WSCD1: variants seen among roughly 807,000 people sequenced by gnomAD.
WSCD1 encodes WSC domain sialate O sulfotransferase 1.
WSCD1 carries 41 observed loss-of-function variants against 60.4 expected under a neutral mutation model. The ratio of observed to expected loss-of-function variants is 0.68; its 90% CI spans 0.53 to 0.88. WSCD1 has a LOEUF of 0.88. WSCD1 is among the 40% of genes least tolerant of loss of function. The probability of loss-of-function intolerance (pLI) is 0.00; values close to 1 mark genes in which losing one functional copy is unlikely to be tolerated. For missense variants in WSCD1, 784 were observed against 796.2 expected, an observed-to-expected ratio of 0.98 and a Z score of 0.18; for synonymous variants, 361 against 332.5, an observed-to-expected ratio of 1.09 and a Z score of -0.93.
Position 6,110,544 on chromosome 17 carries a change from T to C in WSCD1, c.1010-227T>C, listed in dbSNP as rs1192178556. Among the ~76,000 whole-genome samples the C allele has an allele frequency of 6.6e-6, 1 of 152,186 alleles. No homozygotes were observed. The highest frequency in any genetic ancestry group is 1.5e-5 in the Non-Finnish European group (1 of 68,028). Reference sequence around the variant, plus strand: ...TCCATAGGGTGTCTGATTCCCATCTTACTCCTGCACTGCAGTATTGCAGGC... The same window carrying C: ...TCCATAGGGTGTCTGATTCCCATCTCACTCCTGCACTGCAGTATTGCAGGC... On this transcript the variant is annotated intron_variant, in intron 6 of 8. Transcript: ENST00000317744. This position sits in a 1 kb window ranked among gnomAD's most constrained non-coding sequence, Gnocchi z 4.8.
At position 6,090,418 on chromosome 17, in the gene WSCD1, T is replaced by A; in HGVS notation, c.640T>A (p.Cys214Ser). 6.2e-7 allele frequency: 1 copy of A among 1,612,498 alleles called. No individual in the cohort carries two copies. The highest frequency in any genetic ancestry group is 8.5e-7 in the Non-Finnish European group (1 of 1,179,412). Reference sequence around the variant, plus strand: ...GGGGCTGGAAGAGTGTAACCATGAGTGCAAAGGCGAGAAGGGCTCTGTGTG... The same window carrying A: ...GGGGCTGGAAGAGTGTAACCATGAGAGCAAAGGCGAGAAGGGCTCTGTGTG... Reference protein sequence around the residue: ...SVGLEECNHECKGEKGSVCGA... With the variant: ...SVGLEECNHESKGEKGSVCGA... Residue 214 changes from cysteine (C) to serine (S), a missense_variant, in exon 4 of 9, where the codon TGC becomes AGC. Cys to Ser is a moderately radical substitution (Grantham distance 112). Transcript: ENST00000317744.
rs1374364667 is a variant in WSCD1 at position 6,070,444 on chromosome 17, G to T, written c.-497G>T. 6.9e-6 allele frequency: 1 copy of T among 145,788 alleles called. No homozygotes were observed. The highest frequency in any genetic ancestry group is 1.5e-5 in the Non-Finnish European group (1 of 65,670). The allele number at this position is 145,788 out of a possible 1,614,324, so 9.0% of individuals were successfully genotyped here. A position where few individuals can be genotyped will look rare whatever the true frequency, so the allele number is the denominator to read the frequency against. On this transcript the variant is annotated 5_prime_UTR_variant, in exon 1 of 9. Transcript: ENST00000317744. ...GGCTCCGCGCCCGCCCGCCCGCCCC[G>T]CCGTTCAGCCCGGACGCCAGCAGCC...
At position 6,110,877 on chromosome 17, in the gene WSCD1, G is replaced by A. The variant is rs751060251; in HGVS notation, c.1116G>A (p.Glu372=). The A allele has an allele frequency of 1.9e-6, 3 of 1,613,958 alleles. No individual in the cohort carries two copies. The highest frequency in any genetic ancestry group is 2.2e-5 in the East Asian group (1 of 44,872). The part of the protein sequence containing the change: ...AGNTWARHLI[E]HATGFYTGSY... ...ACACATGGGCACGGCACCTCATTGA[G>A]CATGCCACTGGCTTCTATACAGGGA... The change falls in exon 7 of 9, where the codon GAG becomes GAA. Residue 372 remains glutamate (E), a synonymous_variant. Transcript: ENST00000317744. The surrounding 1 kb of genome is among the most constrained non-coding windows in gnomAD (Gnocchi z 4.8).
At chr17:6,076,572 G>T (rs186527493) in intron 1 of WSCD1, among the ~76,000 whole-genome samples, 2 of 152,138 alleles carry the variant, frequency 1.3e-5, no homozygotes, top group African/African-American at 4.8e-5. Flanking sequence ...ACAGAGTAGC[G>T]GAGGTTTCAT....
chr17:6,121,025 A>AGGCT lies in WSCD1; in HGVS notation c.*374_*377dup. The AGGCT allele has an allele frequency of 3.8e-6, 1 of 260,610 alleles. No homozygotes were observed. The highest frequency in any genetic ancestry group is 7.4e-6 in the Non-Finnish European group (1 of 135,642). The allele number at this position is 260,610 out of a possible 1,614,324, so 16.1% of individuals were successfully genotyped here. ...CAGGTGCCAGGCCGTGTGCTCCTGG[A>AGGCT]GGCTGGCTGGCTGTCTCTCTCACAC... On this transcript the variant is annotated 3_prime_UTR_variant, in exon 9 of 9. Coordinates refer to ENST00000317744, the MANE Select transcript of WSCD1 (RefSeq NM_015253.2).
At chr17:6,089,187 G>A (rs1471081459) in intron 3 of WSCD1, among the ~76,000 whole-genome samples, 1 of 152,166 alleles carries the variant, frequency 6.6e-6, no homozygotes, top group African/African-American at 2.4e-5. Context: ...GAAAAGACAA[G>A]GTCCTTACAT....
chr17:6,108,358 C>T (rs1041415886), intron 5 of WSCD1, among the ~76,000 whole-genome samples: 1 of 152,176 alleles, frequency 6.6e-6, no homozygotes, highest in South Asian at 2.1e-4. Context: ...CCCACTGCCT[C>T]CCTCCCTGGC....
At chr17:6,083,173 G>A (rs1348724515) in intron 2 of WSCD1, among the ~76,000 whole-genome samples, 2 of 152,152 alleles carry the variant, frequency 1.3e-5, no homozygotes, top group African/African-American at 2.4e-5. Context: ...ATACTTGACC[G>A]GCAGGAGTCA....
chr17:6,091,138 C>T (rs1910012407), intron 4 of WSCD1, among the ~76,000 whole-genome samples: 1 of 152,218 alleles, frequency 6.6e-6, no homozygotes, highest in African/African-American at 2.4e-5. Flanking sequence ...AGGTGATCTG[C>T]CTGTCTCGGC....
At position 6,094,544 on chromosome 17, in the gene WSCD1, G is replaced by A. The variant is rs559695928; in HGVS notation, c.728-558G>A. On this transcript the variant is annotated intron_variant, in intron 4 of 8. Coordinates refer to ENST00000317744, the MANE Select transcript of WSCD1 (RefSeq NM_015253.2). ...GCACCATCCAAATTTGTTGAAGGAAGGAAGAAAGAAGGAAGGAAGGAAGGA... is the reference window on the plus strand; with the variant it reads ...GCACCATCCAAATTTGTTGAAGGAAAGAAGAAAGAAGGAAGGAAGGAAGGA... Among the ~76,000 whole-genome samples the A allele has an allele frequency of 4.6e-5, 6 of 130,450 alleles. No individual in the cohort carries two copies. The East Asian group carries it at 1.2e-3, about 26-fold the overall frequency. 85.6% of individuals were successfully genotyped at this position (130,450 alleles called of 152,430 possible).
chr17:6,071,888 C>T (rs981900045), intron 1 of WSCD1, among the ~76,000 whole-genome samples: 2 of 152,166 alleles, frequency 1.3e-5, no homozygotes, highest in Non-Finnish European at 2.9e-5. Flanking sequence ...AGGAGATCCT[C>T]CGGGAAGGGG....
chr17:6,082,881 C>G (rs575240614), intron 2 of WSCD1, among the ~76,000 whole-genome samples: 1 of 152,182 alleles, frequency 6.6e-6, no homozygotes, highest in African/African-American at 2.4e-5. Flanking sequence ...GGAGCCCAAG[C>G]TGTCCTTACT....
intron 2 of WSCD1, among the ~76,000 whole-genome samples, chr17:6,085,222 C>G (rs1909555906): frequency 6.6e-6 from 1 of 152,176 alleles, no homozygotes; most frequent in Admixed American, 6.5e-5. Context: ...AGACATACAT[C>G]TGTTATCTCA....
intron 1 of WSCD1, among the ~76,000 whole-genome samples, chr17:6,078,918 G>A (rs1409556646): frequency 6.6e-6 from 1 of 152,134 alleles, no homozygotes; most frequent in East Asian, 1.9e-4. Flanking sequence ...GGTGGGCCTG[G>A]CAGACATATC....
chr17:6,114,116 T>A (rs1266729447), intron 7 of WSCD1, among the ~76,000 whole-genome samples: 1 of 132,982 alleles, frequency 7.5e-6, no homozygotes, highest in Non-Finnish European at 1.6e-5. Context: ...GGTGAATTTT[T>A]AAAATGTGGT....
intron 2 of WSCD1, among the ~76,000 whole-genome samples, chr17:6,082,241 C>G (rs1222183726): frequency 6.6e-6 from 1 of 152,122 alleles, no homozygotes; most frequent in South Asian, 2.1e-4. Context: ...CCAGGATTCA[C>G]GTGCATCCAG....
intron 2 of WSCD1, among the ~76,000 whole-genome samples, chr17:6,087,523 G>A (rs916798691): frequency 6.6e-6 from 1 of 152,200 alleles, no homozygotes; most frequent in African/African-American, 2.4e-5. Flanking sequence ...CCTTAAATTT[G>A]CTAAAATCAA....
rs898791950 is a variant in WSCD1, at chr17:6,118,234, G to T, written c.1375+46G>T. On this transcript the variant is annotated intron_variant, in intron 8 of 8. Coordinates refer to ENST00000317744, the MANE Select transcript of WSCD1 (RefSeq NM_015253.2). The surrounding 1 kb of genome is among the most constrained non-coding windows in gnomAD (Gnocchi z 5.8). ...GGGGGTGGGAGGCTTGTCAGTACAG[G>T]TAGGTTGCTCATCAGGATGCAGGAT... 1 of 1,594,042 alleles carries T rather than the reference G, an allele frequency of 6.3e-7. No individual in the cohort carries two copies. Among genetic ancestry groups the T allele is most frequent in the Non-Finnish European group, 8.6e-7 (1 of 1,168,498 alleles).
At position 6,120,614 on chromosome 17, in the gene WSCD1, C is replaced by T. The variant is rs373880568; in HGVS notation, c.1681C>T (p.Arg561Cys). The change falls in exon 9 of 9, where the codon CGT becomes TGT. Residue 561 changes from arginine to cysteine, a missense_variant. By Grantham distance (180) the Arg-to-Cys change is radical. Coordinates refer to ENST00000317744, the MANE Select transcript of WSCD1 (RefSeq NM_015253.2). ...GYIRTVDQAL[R>C]DHNWTGLPRE... ...CATCCGGACGGTGGACCAAGCCCTGCGTGACCACAACTGGACGGGGCTGCC... is the reference window on the plus strand; with the variant it reads ...CATCCGGACGGTGGACCAAGCCCTGTGTGACCACAACTGGACGGGGCTGCC... The T allele has an allele frequency of 1.1e-5, 18 of 1,613,292 alleles. No homozygotes were observed. Among genetic ancestry groups the T allele is most frequent in the African/African-American group, 1.3e-5 (1 of 74,940 alleles).
Sources: gnomAD v4.1 joint callset for allele counts (sites outside exome capture counted in the v4.1 genomes callset) on GRCh38, gnomAD v4.1.1 for gene constraint, Gnocchi (gnomAD v3.1) non-coding constraint, MANE v1.5 for transcripts, NCBI Gene and HGNC (gene_info 2026-07-23, HGNC 2026-07-21) for gene names.